GABRG3: variants seen among roughly 807,000 people sequenced by gnomAD.
The protein encoded by GABRG3 is gamma-aminobutyric acid receptor subunit gamma-3.
GABRG3 carries 25 observed loss-of-function variants against 48.8 expected under a neutral mutation model. The ratio of observed to expected loss-of-function variants is 0.51; its 90% CI spans 0.37 to 0.72. The LOEUF (loss-of-function observed/expected upper bound fraction) is 0.72. Ranked by LOEUF, GABRG3 falls within the 30% of genes least tolerant of loss-of-function variation. GABRG3 has a pLI of 0.00. For missense variants in GABRG3, 394 were observed against 577.9 expected, an observed-to-expected ratio of 0.68 and a Z score of 3.26; for synonymous variants, 227 against 217.6, an observed-to-expected ratio of 1.04 and a Z score of -0.38.
chr15:27,392,509 A>T (rs968618376), intron 5 of GABRG3, among the ~76,000 whole-genome samples: 2 of 152,164 alleles, frequency 1.3e-5, no homozygotes, highest in Admixed American at 1.3e-4. Flanking sequence ...TATCAATGCA[A>T]CTTGTCACCT....
chr15:27,240,327 T>G (rs1848154668), intron 3 of GABRG3, among the ~76,000 whole-genome samples: 2 of 152,282 alleles, frequency 1.3e-5, no homozygotes, highest in African/African-American at 4.8e-5. Context: ...AGGTGGGAGC[T>G]AGTCCACAGT....
chr15:27,462,306 C>T (rs1447571388), intron 5 of GABRG3, among the ~76,000 whole-genome samples: 1 of 152,112 alleles, frequency 6.6e-6, no homozygotes, highest in East Asian at 1.9e-4. Flanking sequence ...TTGCTATATC[C>T]GTGTTATTTC....
intron 6 of GABRG3, among the ~76,000 whole-genome samples, chr15:27,513,754 G>A (rs1451742816): frequency 6.6e-6 from 1 of 152,006 alleles, no homozygotes; most frequent in Non-Finnish European, 1.5e-5. Flanking sequence ...AGGAAAACAG[G>A]ACACGAGACA....
chr15:27,021,199 AAGAG>A (rs1378280167), intron 2 of GABRG3, among the ~76,000 whole-genome samples: 1 of 152,224 alleles, frequency 6.6e-6, no homozygotes, highest in East Asian at 1.9e-4. Flanking sequence ...AAAAAATTAA[AAGAG>A]AAAAGAACAT....
chr15:27,227,847 T>C (rs1470606371), intron 3 of GABRG3, among the ~76,000 whole-genome samples: 1 of 152,226 alleles, frequency 6.6e-6, no homozygotes, highest in Non-Finnish European at 1.5e-5. Context: ...TATGCCAGCC[T>C]ACCCAGCATG....
intron 3 of GABRG3, among the ~76,000 whole-genome samples, chr15:27,176,879 G>A (rs991377998): frequency 1.3e-5 from 2 of 152,178 alleles, no homozygotes; most frequent in African/African-American, 4.8e-5. Flanking sequence ...AGAGAGCTTG[G>A]AAAATGCTAG....
intron 3 of GABRG3, among the ~76,000 whole-genome samples, chr15:27,084,589 C>T (rs1276946999): frequency 1.3e-5 from 2 of 152,202 alleles, no homozygotes. Flanking sequence ...GCACAAGAGT[C>T]AGAGAACCTT....
intron 3 of GABRG3, among the ~76,000 whole-genome samples, chr15:27,109,839 G>A (rs1003996147): frequency 2.0e-5 from 3 of 152,142 alleles, no homozygotes; most frequent in Non-Finnish European, 2.9e-5. Context: ...TGGAGATCGC[G>A]CCACTGCACT....
At chr15:27,271,727 A>G (rs1891097361) in intron 3 of GABRG3, 2 of 431,898 alleles carry the variant, frequency 4.6e-6, no homozygotes, top group Non-Finnish European at 9.3e-6. Context: ...CTCCTGCACC[A>G]AGAGCCAATG....
rs146694793 is a variant in GABRG3, at chr15:27,041,710, G to A, written c.270+14889G>A. On this transcript the variant is annotated intron_variant, in intron 3 of 9. Coordinates refer to ENST00000615808, the MANE Select transcript of GABRG3 (RefSeq NM_033223.5). ...AACACTTGGAATCATCTTTGATCTT[G>A]TGTCTTTGACTTTCTGCATGTGTCT... Among the ~76,000 whole-genome samples, 548 of 152,238 alleles carry A rather than the reference G, an allele frequency of 3.6e-3. 3 individuals carry two copies. Among genetic ancestry groups the A allele is most frequent in the African/African-American group, 0.013 (525 of 41,536 alleles).
At chr15:27,049,794 G>A (rs1289243721) in intron 3 of GABRG3, among the ~76,000 whole-genome samples, 5 of 152,236 alleles carry the variant, frequency 3.3e-5, no homozygotes, top group Non-Finnish European at 7.3e-5. Context: ...TAGACCAGGA[G>A]AAGAGCAGGG....
chr15:27,192,678 C>T (rs1433104421), intron 3 of GABRG3, among the ~76,000 whole-genome samples: 1 of 152,144 alleles, frequency 6.6e-6, no homozygotes, highest in Non-Finnish European at 1.5e-5. Context: ...GAATTTCCTC[C>T]TGTAGCTCAT....
chr15:27,154,505 C>T (rs1191842689), intron 3 of GABRG3, among the ~76,000 whole-genome samples: 1 of 152,116 alleles, frequency 6.6e-6, no homozygotes, highest in African/African-American at 2.4e-5. Flanking sequence ...AGGAAGTTCT[C>T]CTCTGTTCAG....
At chr15:27,014,997 G>T (rs1895752213) in intron 2 of GABRG3, among the ~76,000 whole-genome samples, 1 of 152,158 alleles carries the variant, frequency 6.6e-6, no homozygotes, top group African/African-American at 2.4e-5. Flanking sequence ...CTTGTGAATG[G>T]ACCCTTTTAT....
chr15:27,455,494 T>C (rs1889240502), intron 5 of GABRG3, among the ~76,000 whole-genome samples: 1 of 148,934 alleles, frequency 6.7e-6, no homozygotes, highest in African/African-American at 2.5e-5. Context: ...ATATGTGTGC[T>C]GTGTGTGTGT....
chr15:27,220,263 T>C (rs576654789), intron 3 of GABRG3, among the ~76,000 whole-genome samples: 23 of 152,286 alleles, frequency 1.5e-4, no homozygotes, highest in Middle Eastern at 6.8e-3. Flanking sequence ...AGGTCATAGA[T>C]AGATTGAGAT....
intron 3 of GABRG3, among the ~76,000 whole-genome samples, chr15:27,231,011 G>A (rs924844849): frequency 2.7e-5 from 2 of 74,788 alleles, no homozygotes; most frequent in East Asian, 6.4e-4. Context: ...ACAGTAAAAT[G>A]TGTGTGTGTG....
At chr15:27,131,446 A>AT (rs1349708839) in intron 3 of GABRG3, among the ~76,000 whole-genome samples, 1 of 151,842 alleles carries the variant, frequency 6.6e-6, no homozygotes, top group Admixed American at 6.6e-5. Flanking sequence ...ATAGCATTTC[A>AT]TTCAGGATTC....
At chr15:27,020,474 C>G (rs1320267415) in intron 2 of GABRG3, among the ~76,000 whole-genome samples, 1 of 152,214 alleles carries the variant, frequency 6.6e-6, no homozygotes, top group Non-Finnish European at 1.5e-5. Context: ...TGCAGTGGCG[C>G]TATCTCGGCT....
Sources: gnomAD v4.1 joint callset for allele counts (sites outside exome capture counted in the v4.1 genomes callset) on GRCh38, gnomAD v4.1.1 for gene constraint, MANE v1.5 for transcripts, NCBI Gene and HGNC (gene_info 2026-07-23, HGNC 2026-07-21) for gene names.